Variants in KHDRBS2 observed in about 807,000 individuals in gnomAD.
The protein encoded by KHDRBS2 is KH RNA binding domain containing, signal transduction associated 2, also known as KH domain-containing, RNA-binding, signal transduction-associated protein 2.
Under a neutral mutation model 44.3 loss-of-function variants are expected in KHDRBS2, and 26 were observed. That is an observed-to-expected ratio of 0.59 (90% CI 0.43 to 0.81). KHDRBS2 has a LOEUF of 0.81. KHDRBS2 is among the 40% of genes least tolerant of loss of function. The pLI, the probability that KHDRBS2 is intolerant of heterozygous loss-of-function variation, is 0.00. For synonymous variants in KHDRBS2, 194 were observed against 151.1 expected, an observed-to-expected ratio of 1.28 and a Z score of -2.08; for missense variants, 476 against 433.1, an observed-to-expected ratio of 1.10 and a Z score of -0.88.
At chr6:61,947,955 CAG>C (rs1392494914) in intron 4 of KHDRBS2, among the ~76,000 whole-genome samples, 4 of 129,260 alleles carry the variant, frequency 3.1e-5, no homozygotes, top group African/African-American at 8.6e-5. Context: ...ATAATAATAA[CAG>C]AGGAATGACA....
At chr6:62,015,171 A>G (rs530310350) in intron 3 of KHDRBS2, among the ~76,000 whole-genome samples, 38 of 152,308 alleles carry the variant, frequency 2.5e-4, no homozygotes, top group African/African-American at 8.9e-4. Context: ...CACTGGTTCA[A>G]TGATATTTTA....
chr6:62,214,703 A>G (rs2150147678), intron 1 of KHDRBS2, among the ~76,000 whole-genome samples: 1 of 152,068 alleles, frequency 6.6e-6, no homozygotes, highest in African/African-American at 2.4e-5. Context: ...CTGTGCTCAA[A>G]AGAGGAAACT....
chr6:62,242,941 A>G (rs1477754169), intron 1 of KHDRBS2, among the ~76,000 whole-genome samples: 1 of 152,162 alleles, frequency 6.6e-6, no homozygotes, highest in Non-Finnish European at 1.5e-5. Flanking sequence ...TCACAGAATG[A>G]CAAAAGGTAT....
At chr6:61,796,430 C>T (rs139412086) in intron 6 of KHDRBS2, among the ~76,000 whole-genome samples, 1 of 151,858 alleles carries the variant, frequency 6.6e-6, no homozygotes, top group South Asian at 2.1e-4. Context: ...AAAATATTAA[C>T]AGAATATTCA....
the KHDRBS2 span, chr6:61,630,175 A>T: frequency 1.3e-5 from 2 of 152,214 alleles, no homozygotes; most frequent in African/African-American, 4.8e-5. Context: ...TGAGTTAGTT[A>T]AGCTTTATAT....
intron 6 of KHDRBS2, among the ~76,000 whole-genome samples, chr6:61,794,534 G>A (rs1195139230): frequency 6.6e-6 from 1 of 152,054 alleles, no homozygotes; most frequent in Non-Finnish European, 1.5e-5. Context: ...GACTGGATGA[G>A]AATTAACTAA....
chr6:61,920,491 A>C (rs1471984558), intron 4 of KHDRBS2, among the ~76,000 whole-genome samples: 2 of 151,978 alleles, frequency 1.3e-5, no homozygotes, highest in African/African-American at 4.8e-5. Context: ...AGTCTGTTAC[A>C]TCTACCTTAC....
At chr6:62,119,103 T>G (rs1806989365) in intron 2 of KHDRBS2, among the ~76,000 whole-genome samples, 1 of 152,150 alleles carries the variant, frequency 6.6e-6, no homozygotes, top group Admixed American at 6.5e-5. Flanking sequence ...TAGTTGGTTT[T>G]GGGGTTACTG....
At chr6:61,984,781 T>C (rs1382965896) in intron 3 of KHDRBS2, among the ~76,000 whole-genome samples, 1 of 152,218 alleles carries the variant, frequency 6.6e-6, no homozygotes, top group Admixed American at 6.5e-5. Flanking sequence ...GTCTGTTAAC[T>C]TGCAAGCCTC....
chr6:61,576,378 T>G, the KHDRBS2 span, among the ~76,000 whole-genome samples: 5 of 152,186 alleles, frequency 3.3e-5, no homozygotes, highest in Admixed American at 6.6e-5. Flanking sequence ...GATTTGTTTC[T>G]CAGCTTGATT....
intron 2 of KHDRBS2, among the ~76,000 whole-genome samples, chr6:62,112,662 C>A (rs1185229609): frequency 6.6e-6 from 1 of 152,028 alleles, no homozygotes; most frequent in Non-Finnish European, 1.5e-5. Context: ...GTAGCAAAAT[C>A]TATTAAAGAT....
At chr6:61,636,553 C>T in the KHDRBS2 span, among the ~76,000 whole-genome samples, 72 of 152,198 alleles carry the variant, frequency 4.7e-4, no homozygotes, top group East Asian at 0.013. Flanking sequence ...ATTTTGCACT[C>T]AGCTCCCAGG....
the KHDRBS2 span, among the ~76,000 whole-genome samples, chr6:61,661,598 T>C: frequency 8.6e-5 from 13 of 152,044 alleles, no homozygotes; most frequent in Middle Eastern, 6.8e-3. Context: ...GTCCTATCTA[T>C]GATCAGTCTC....
chr6:61,662,504 C>T, the KHDRBS2 span, among the ~76,000 whole-genome samples: 62 of 152,120 alleles, frequency 4.1e-4, no homozygotes, highest in African/African-American at 1.4e-3. Flanking sequence ...ACTCATCTGA[C>T]TAAGGGCTAA....
intron 1 of KHDRBS2, among the ~76,000 whole-genome samples, chr6:62,251,767 A>G (rs1458483901): frequency 6.6e-6 from 1 of 151,980 alleles, no homozygotes; most frequent in Admixed American, 6.6e-5. Flanking sequence ...CAATATGGAA[A>G]TAATTTTGAA....
intron 6 of KHDRBS2, among the ~76,000 whole-genome samples, chr6:61,848,528 T>C (rs1276118302): frequency 3.9e-4 from 21 of 53,696 alleles, no homozygotes; most frequent in African/African-American, 7.6e-4. Context: ...TGTATATATA[T>C]ATACATATAT....
chr6:61,603,266 C>T, the KHDRBS2 span, among the ~76,000 whole-genome samples: 8 of 152,298 alleles, frequency 5.3e-5, no homozygotes, highest in South Asian at 1.5e-3. Context: ...AATTGTCTTG[C>T]CTATCCACCA....
intron 2 of KHDRBS2, among the ~76,000 whole-genome samples, chr6:62,062,211 C>A (rs1409808651): frequency 1.3e-5 from 2 of 149,176 alleles, no homozygotes; most frequent in African/African-American, 2.5e-5. Flanking sequence ...CAACATTAGA[C>A]AGATCAACGA....
the KHDRBS2 span, among the ~76,000 whole-genome samples, chr6:61,621,412 C>A: frequency 6.6e-6 from 1 of 152,092 alleles, no homozygotes; most frequent in South Asian, 2.1e-4. Context: ...AGACATGAAA[C>A]CAGAGGACTT....
Sources: gnomAD v4.1 joint callset for allele counts (sites outside exome capture counted in the v4.1 genomes callset) on GRCh38, gnomAD v4.1.1 for gene constraint, MANE v1.5 for transcripts, NCBI Gene and HGNC (gene_info 2026-07-23, HGNC 2026-07-21) for gene names.